TCF7L1: variants seen among roughly 807,000 people sequenced by gnomAD.
The protein encoded by TCF7L1 is transcription factor 7-like 1.
Under a neutral mutation model 63.7 loss-of-function variants are expected in TCF7L1, and 18 were observed. The ratio of observed to expected loss-of-function variants is 0.28; its 90% CI spans 0.20 to 0.42. The LOEUF is 0.42. Among genes scored for constraint, TCF7L1 ranks in the 10% least tolerant of loss-of-function variants. The pLI is 1.00. For synonymous variants in TCF7L1, 355 were observed against 340.9 expected (o/e 1.04, Z -0.46); for missense variants, 654 against 779.3 (o/e 0.84, Z 1.91).
At chr2:85,190,613 A>G (rs1679021971) in intron 3 of TCF7L1, among the ~76,000 whole-genome samples, 1 of 152,234 alleles carries the variant, frequency 6.6e-6, no homozygotes, top group Non-Finnish European at 1.5e-5. Context: ...AATGAAAAGC[A>G]CAGGCCAAGA....
At chr2:85,299,236 G>A (rs935593174) in intron 4 of TCF7L1, among the ~76,000 whole-genome samples, 35 of 152,044 alleles carry the variant, frequency 2.3e-4, no homozygotes, top group African/African-American at 8.2e-4. Context: ...TATAAATGAT[G>A]TAAATAAATG....
At chr2:85,204,716 A>G (rs949662809) in intron 3 of TCF7L1, among the ~76,000 whole-genome samples, 1 of 152,182 alleles carries the variant, frequency 6.6e-6, no homozygotes, top group Non-Finnish European at 1.5e-5. Context: ...CCAAAATACC[A>G]TCCAAAAAAA....
intron 3 of TCF7L1, among the ~76,000 whole-genome samples, chr2:85,225,653 C>T (rs1679939944): frequency 6.6e-6 from 1 of 152,170 alleles, no homozygotes; most frequent in Admixed American, 6.5e-5. Context: ...GCTGAAGTTG[C>T]TTATTAGCTT....
chr2:85,247,921 A>G lies in TCF7L1; in HGVS notation c.442-35574A>G, dbSNP rs149289027. On this transcript the variant is annotated intron_variant, in intron 3 of 11. Transcript: ENST00000282111. The stretch of plus-strand genomic sequence containing the variant: ...TACAGGTTATTCAAACATAGCTTGG[A>G]TATTTAAAACAGAAGCGAATCTAGG... 3.6e-4 allele frequency among the ~76,000 whole-genome samples: 55 copies of G among 152,278 alleles called. No individual in the cohort carries two copies. The East Asian group carries it at 9.6e-3, about 27-fold the overall frequency.
At chr2:85,295,110 C>T (rs1651284995) in intron 4 of TCF7L1, among the ~76,000 whole-genome samples, 1 of 150,672 alleles carries the variant, frequency 6.6e-6, no homozygotes, top group Admixed American at 6.6e-5. Context: ...GCAGAAAACT[C>T]CAAAACCCAT....
chr2:85,295,047 A>T (rs556614479), intron 4 of TCF7L1, among the ~76,000 whole-genome samples: 43 of 152,200 alleles, frequency 2.8e-4, no homozygotes, highest in Admixed American at 5.9e-4. Flanking sequence ...AAATTTTTTT[A>T]AATAAAATTC....
At chr2:85,253,765 G>A (rs550376287) in intron 3 of TCF7L1, among the ~76,000 whole-genome samples, 12 of 152,280 alleles carry the variant, frequency 7.9e-5, no homozygotes, top group African/African-American at 1.2e-4. Flanking sequence ...CATGCTAAGC[G>A]TTCACTCAGT....
At chr2:85,169,191 GCCTT>G (rs1244005692) in intron 3 of TCF7L1, among the ~76,000 whole-genome samples, 2 of 152,036 alleles carry the variant, frequency 1.3e-5, no homozygotes, top group Non-Finnish European at 2.9e-5. Flanking sequence ...GGTCAGGTCA[GCCTT>G]CCTTCTCATC....
At chr2:85,307,832 C>A in intron 11 of TCF7L1, 115 bp downstream of exon 11, 3 of 930,518 alleles carry the variant, frequency 3.2e-6, no homozygotes, top group Admixed American at 2.2e-5. Flanking sequence ...TATTCGCGGG[C>A]GGGTATTATT....
chr2:85,282,688 C>T (rs1681445609), intron 3 of TCF7L1, among the ~76,000 whole-genome samples: 1 of 152,112 alleles, frequency 6.6e-6, no homozygotes, highest in Non-Finnish European at 1.5e-5. Flanking sequence ...ATGCAGGGCT[C>T]CGGAGCCCAG....
chr2:85,168,517 TG>T (rs1678473003), intron 3 of TCF7L1, among the ~76,000 whole-genome samples: 1 of 152,032 alleles, frequency 6.6e-6, no homozygotes, highest in Non-Finnish European at 1.5e-5. Flanking sequence ...GTCATGGAGC[TG>T]GGTGCTGCCG....
At chr2:85,252,668 G>A (rs1680623141) in intron 3 of TCF7L1, among the ~76,000 whole-genome samples, 1 of 152,232 alleles carries the variant, frequency 6.6e-6, no homozygotes, top group African/African-American at 2.4e-5. Context: ...AGAAATGCTT[G>A]CACACAAACA....
At position 85,193,553 on chromosome 2, in the gene TCF7L1, G is replaced by A. The variant is rs187323683; in HGVS notation, c.441+59103G>A. Among the ~76,000 whole-genome samples, 94 of 152,196 alleles carry A rather than the reference G, an allele frequency of 6.2e-4. 1 individual carries two copies. The highest frequency in any genetic ancestry group is 2.2e-3 in the African/African-American group (91 of 41,512). Reference sequence around the variant, plus strand: ...AAATAAATAAGTAAATAAATAGAGGGCATTATCAGGACAGCTGGCAGCATT... The same window carrying A: ...AAATAAATAAGTAAATAAATAGAGGACATTATCAGGACAGCTGGCAGCATT... On this transcript the variant is annotated intron_variant, in intron 3 of 11. Coordinates refer to ENST00000282111, the MANE Select transcript of TCF7L1 (RefSeq NM_031283.3).
At chr2:85,241,129 G>A (rs1016670456) in intron 3 of TCF7L1, among the ~76,000 whole-genome samples, 3 of 152,168 alleles carry the variant, frequency 2.0e-5, no homozygotes, top group African/African-American at 7.2e-5. Flanking sequence ...AACTCAATTG[G>A]GAAGGGCCCG....
intron 3 of TCF7L1, among the ~76,000 whole-genome samples, chr2:85,249,722 T>G (rs947008625): frequency 1.1e-4 from 17 of 152,130 alleles, no homozygotes; most frequent in Non-Finnish European, 1.9e-4. Context: ...ATCCCTGAGT[T>G]TTTGCACACT....
intron 3 of TCF7L1, among the ~76,000 whole-genome samples, chr2:85,197,552 A>G (rs1679185771): frequency 6.6e-6 from 1 of 152,258 alleles, no homozygotes; most frequent in Non-Finnish European, 1.5e-5. Context: ...CTAAAAGTCC[A>G]TTAATTAGCA....
chr2:85,277,360 A>G lies in TCF7L1; in HGVS notation c.442-6135A>G, dbSNP rs1681298123. Among the ~76,000 whole-genome samples, 4 of 152,164 alleles carry G rather than the reference A, an allele frequency of 2.6e-5. No homozygotes were observed. The South Asian group carries it at 8.3e-4, about 32-fold the overall frequency. ...ACATAGAGTTTCTAAGAGGACAAGG[A>G]GAGCATTTTGAATAATGTTATTGTC... is the stretch of plus-strand genomic sequence containing the variant. On this transcript the variant is annotated intron_variant, in intron 3 of 11. Coordinates refer to ENST00000282111, the MANE Select transcript of TCF7L1 (RefSeq NM_031283.3).
chr2:85,308,429 TTTTC>T (rs1682180597), intron 11 of TCF7L1, among the ~76,000 whole-genome samples: 4 of 30,972 alleles, frequency 1.3e-4, no homozygotes, highest in African/African-American at 5.0e-4. Flanking sequence ...CCCTCCCTCC[TTTTC>T]TCCCTCCCTT....
At chr2:85,266,816 A>G (rs969965995) in intron 3 of TCF7L1, among the ~76,000 whole-genome samples, 3 of 152,202 alleles carry the variant, frequency 2.0e-5, no homozygotes, top group Non-Finnish European at 4.4e-5. Flanking sequence ...CCTTCCAATT[A>G]TTTTTATGTT....
Sources: gnomAD v4.1 joint callset for allele counts (sites outside exome capture counted in the v4.1 genomes callset) on GRCh38, gnomAD v4.1.1 for gene constraint, MANE v1.5 for transcripts, NCBI Gene and HGNC (gene_info 2026-07-23, HGNC 2026-07-21) for gene names.